TBC1D2B: variants seen among roughly 807,000 people sequenced by gnomAD.
TBC1D2B encodes TBC1 domain family member 2B.
In TBC1D2B, 64 loss-of-function variants were observed where a neutral mutation model predicts 100.8. That is an observed-to-expected ratio of 0.64 (90% CI 0.52 to 0.78). The LOEUF is 0.78. Among genes scored for constraint, TBC1D2B ranks in the 30% least tolerant of loss-of-function variants. The pLI is 0.00. For synonymous variants in TBC1D2B, 480 were observed against 479.7 expected, an observed-to-expected ratio of 1.00 and a Z score of -0.01; for missense variants, 1,052 against 1,218.4, an observed-to-expected ratio of 0.86 and a Z score of 2.03.
intron 4 of TBC1D2B, among the ~76,000 whole-genome samples, chr15:78,028,442 C>A (rs1341946709): frequency 6.6e-6 from 1 of 152,148 alleles, no homozygotes; most frequent in Non-Finnish European, 1.5e-5. Flanking sequence ...CTGCACTCCA[C>A]CCTGGGTGAC....
chr15:78,012,916 C>G lies in TBC1D2B; in HGVS notation c.2177G>C (p.Cys726Ser), dbSNP rs775966091. The change falls in exon 9 of 13, where the codon TGC (cysteine) becomes TCC (serine). Residue 726 changes from cysteine to serine, a missense_variant. Coordinates refer to ENST00000300584, the MANE Select transcript of TBC1D2B (RefSeq NM_144572.2). ...RTLPNNKHYS[C>S]PTSEGIQKLR... ...CTTCTGTATGCCTTCTGAGGTGGGG[C>G]AGGAGTAATGTTTGTTGTTGGGCAG... 8 of 1,539,392 alleles carry G rather than the reference C, an allele frequency of 5.2e-6. No homozygotes were observed. The highest frequency in any genetic ancestry group is 6.1e-6 in the Non-Finnish European group (7 of 1,142,422).
rs1335385767 is a variant in TBC1D2B, at chr15:78,013,092, G to A, written c.2001C>T (p.His667=). 1 of 1,613,974 alleles carries A rather than the reference G, an allele frequency of 6.2e-7. No homozygotes were observed. The highest frequency in any genetic ancestry group is 2.2e-5 in the East Asian group (1 of 44,888). Reference sequence around the variant, plus strand: ...CACACCACTTCCACACCTTGGAACGGTGCTCGTGGGGAATGCCCGCACGGA... The same window carrying A: ...CACACCACTTCCACACCTTGGAACGATGCTCGTGGGGAATGCCCGCACGGA... ...NLIRAGIPHE[H]RSKVWKWCVD... Residue 667 remains histidine, a synonymous_variant, in exon 9 of 13, where the codon CAC becomes CAT. Transcript: ENST00000300584.
chr15:78,052,851 C>T (rs916892666), intron 2 of TBC1D2B, among the ~76,000 whole-genome samples: 2 of 152,284 alleles, frequency 1.3e-5, no homozygotes, highest in Non-Finnish European at 2.9e-5. Flanking sequence ...TTCAAAACAA[C>T]TCAGTTAACA....
chr15:78,040,855 G>GAAGGAAGAAAGAAAAAGAAAGA (rs71447186), intron 3 of TBC1D2B, among the ~76,000 whole-genome samples: 1 of 74,668 alleles, frequency 1.3e-5, no homozygotes. Context: ...AGAAAGAAAG[G>GAAGGAAGAAAGAAAAAGAAAGA]AAGAAAGAAA....
rs746663244 is a variant in TBC1D2B at position 78,024,559 on chromosome 15, T to C, written c.1087-20A>G. 1.3e-6 allele frequency: 2 copies of C among 1,593,086 alleles called. No homozygotes were observed. Among genetic ancestry groups the C allele is most frequent in the African/African-American group, 1.3e-5 (1 of 74,300 alleles). On this transcript the variant is annotated intron_variant, in intron 5 of 12. Coordinates refer to ENST00000300584, the MANE Select transcript of TBC1D2B (RefSeq NM_144572.2). ...AAGCTCCTGGGAGCCAAAAGGAGAATGGAGTGAAGGGTGAAAAGAGCAAGG... is the reference window on the plus strand; with the variant it reads ...AAGCTCCTGGGAGCCAAAAGGAGAACGGAGTGAAGGGTGAAAAGAGCAAGG...
intron 4 of TBC1D2B, among the ~76,000 whole-genome samples, chr15:78,026,918 G>T (rs552164590): frequency 8.6e-4 from 119 of 138,118 alleles, no homozygotes; most frequent in African/African-American, 3.0e-3. Flanking sequence ...AAAAAAAAAA[G>T]AGTATTCGGG....
chr15:78,016,623 G>C lies in TBC1D2B; in HGVS notation c.1698C>G (p.Ala566=), dbSNP rs1266203592. 1.2e-6 allele frequency: 2 copies of C among 1,612,976 alleles called. No individual in the cohort carries two copies. Among genetic ancestry groups the C allele is most frequent in the South Asian group, 2.2e-5 (2 of 90,824 alleles). The change falls in exon 8 of 13, where the codon GCC becomes GCG. Residue 566 remains alanine (A), a synonymous_variant. Transcript: ENST00000300584. ...CCTGCAGAGCATCCTCCAGCAACTGGGCTATGACCTCCCGGGTGGGCCCCT... is the reference window on the plus strand; with the variant it reads ...CCTGCAGAGCATCCTCCAGCAACTGCGCTATGACCTCCCGGGTGGGCCCCT... ...EDQGPTREVI[A]QLLEDALQVE...
intron 8 of TBC1D2B, among the ~76,000 whole-genome samples, chr15:78,016,157 A>G (rs1333965413): frequency 6.6e-6 from 1 of 152,042 alleles, no homozygotes; most frequent in Non-Finnish European, 1.5e-5. Flanking sequence ...CCAAAAATAT[A>G]TGGGGGGTGT....
chr15:78,009,019 G>T lies in TBC1D2B; in HGVS notation c.2366C>A (p.Thr789Lys). 1 of 1,599,734 alleles carries T rather than the reference G, an allele frequency of 6.3e-7. No individual in the cohort carries two copies. The highest frequency in any genetic ancestry group is 1.1e-5 in the South Asian group (1 of 88,350). ...VEVFMPRDYY[T>K]KTLLGSQVDQ... ...TACCTGGGATCCTAAAAGAGTCTTT[G>T]TATAATAGTCTCGAGGCATGAAAAC... Residue 789 changes from threonine (T) to lysine (K), a missense_variant, in exon 10 of 13, where the codon ACA (threonine) becomes AAA (lysine). Thr to Lys is a moderately conservative substitution (Grantham distance 78). This residue lies in a region of TBC1D2B where 373 missense variants were observed against 464.9 expected (regional missense o/e 0.80). Transcript: ENST00000300584.
intron 10 of TBC1D2B, among the ~76,000 whole-genome samples, chr15:78,004,692 G>A (rs1191118175): frequency 6.6e-6 from 1 of 152,048 alleles, no homozygotes; most frequent in East Asian, 1.9e-4. Context: ...GGATTTTATG[G>A]GAAAAAAATA....
intron 1 of TBC1D2B, among the ~76,000 whole-genome samples, chr15:78,060,673 T>C (rs980281454): frequency 2.0e-5 from 3 of 151,114 alleles, no homozygotes; most frequent in African/African-American, 7.3e-5. Context: ...TCCCAGCACT[T>C]TGGGAGGCCG....
Position 77,997,950 on chromosome 15 carries a change from A to C in TBC1D2B, c.*210T>G, listed in dbSNP as rs1596303624. On this transcript the variant is annotated 3_prime_UTR_variant, in exon 13 of 13. Transcript: ENST00000300584. ...AGCGTGACTGAGATACGTGTAACCAAAAGCATGGCACGGAAATGGTTGTAA... is the reference window on the plus strand; with the variant it reads ...AGCGTGACTGAGATACGTGTAACCACAAGCATGGCACGGAAATGGTTGTAA... 45 of 417,626 alleles carry C rather than the reference A, an allele frequency of 1.1e-4. No homozygotes were observed. In the East Asian group the frequency reaches 1.7e-3, roughly 16 times the overall value. 25.9% of individuals were successfully genotyped at this position (417,626 alleles called of 1,614,324 possible).
intron 12 of TBC1D2B, among the ~76,000 whole-genome samples, chr15:78,000,575 A>G (rs2071886241): frequency 6.6e-6 from 1 of 152,226 alleles, no homozygotes; most frequent in Admixed American, 6.5e-5. Context: ...TGCTATTAGT[A>G]AGCCTGAAAC....
At chr15:78,033,362 T>C (rs1244592738) in intron 3 of TBC1D2B, among the ~76,000 whole-genome samples, 1 of 152,016 alleles carries the variant, frequency 6.6e-6, no homozygotes, top group African/African-American at 2.4e-5. Context: ...CCAAACAATA[T>C]AGGTAAGTCT....
chr15:78,077,421 G>A lies in TBC1D2B; in HGVS notation c.232C>T (p.Pro78Ser), dbSNP rs898218191. The change falls in exon 1 of 13, where the codon CCC (proline) becomes TCC (serine). Residue 78 changes from proline (P) to serine (S), a missense_variant. By Grantham distance (74) the Pro-to-Ser change is moderately conservative (BLOSUM62 -1). Transcript: ENST00000300584. ...YYFKSPQDALPLGHLDIADAC... is the reference protein window; with the variant it reads ...YYFKSPQDALSLGHLDIADAC... ...TCCGCGATGTCCAAGTGGCCGAGGG[G>A]CAGCGCGTCCTGCGGACTCTTGAAA... The A allele has an allele frequency of 1.7e-5, 27 of 1,545,956 alleles. No homozygotes were observed. Among genetic ancestry groups the A allele is most frequent in the Non-Finnish European group, 2.4e-5 (27 of 1,145,344 alleles).
At chr15:78,016,456 G>T in intron 8 of TBC1D2B, 90 bp downstream of exon 8, 1 of 1,233,084 alleles carries the variant, frequency 8.1e-7, no homozygotes, top group Non-Finnish European at 1.1e-6. Flanking sequence ...ACACACAGTT[G>T]TGTACGGCTC....
At chr15:78,076,873 G>GC (rs1187453090) in intron 1 of TBC1D2B, among the ~76,000 whole-genome samples, 2 of 152,254 alleles carry the variant, frequency 1.3e-5, no homozygotes, top group Non-Finnish European at 2.9e-5. Flanking sequence ...TACAGAGGAG[G>GC]CCGCTGCAGC....
chr15:78,035,350 C>T (rs1262987138), intron 3 of TBC1D2B, among the ~76,000 whole-genome samples: 1 of 152,230 alleles, frequency 6.6e-6, no homozygotes, highest in African/African-American at 2.4e-5. Context: ...CTAGAATTTA[C>T]AAGTTGACAG....
Position 78,013,337 on chromosome 15 carries a change from G to A in TBC1D2B, c.1776-20C>T, listed in dbSNP as rs373055479. 190 of 1,549,526 alleles carry A rather than the reference G, an allele frequency of 1.2e-4. No individual in the cohort carries two copies. In the African/African-American group the frequency reaches 1.6e-3, roughly 13 times the overall value. ...TATTCACTGTTGATAAAAACAAAAG[G>A]AAAAATTAAAATGACAAAGTTTTAG... On this transcript the variant is annotated intron_variant, in intron 8 of 12. Coordinates refer to ENST00000300584, the MANE Select transcript of TBC1D2B (RefSeq NM_144572.2).
Sources: gnomAD v4.1 joint callset for allele counts (sites outside exome capture counted in the v4.1 genomes callset) on GRCh38, gnomAD v4.1.1 for gene constraint, gnomAD v4.1.1 regional missense constraint, MANE v1.5 for transcripts, NCBI Gene and HGNC (gene_info 2026-07-23, HGNC 2026-07-21) for gene names.